The following STRN variants were observed in gnomAD, a reference collection of about 807,000 sequenced individuals.
STRN encodes the protein protein phosphatase 2 regulatory subunit B'''alpha.
Under a neutral mutation model 96.3 loss-of-function variants are expected in STRN, and 53 were observed. The ratio of observed to expected loss-of-function variants is 0.55; its 90% CI spans 0.44 to 0.69. The LOEUF (loss-of-function observed/expected upper bound fraction) is 0.69, where lower values mean the gene tolerates loss of function less well. Ranked by LOEUF, STRN falls within the 30% of genes least tolerant of loss-of-function variation. The probability of loss-of-function intolerance (pLI) is 0.00; values close to 1 mark genes in which losing one functional copy is unlikely to be tolerated. For synonymous variants in STRN, 428 were observed against 355.9 expected, an observed-to-expected ratio of 1.20 and a Z score of -2.28; for missense variants, 987 against 963.9, an observed-to-expected ratio of 1.02 and a Z score of -0.32.
chr2:36,846,386 T>TA lies in STRN; in HGVS notation c.*3069_*3070insT, dbSNP rs1491501554. 13 of 62,744 alleles carry TA rather than the reference T, an allele frequency of 2.1e-4. No individual in the cohort carries two copies. Among genetic ancestry groups the TA allele is most frequent in the East Asian group, 2.0e-3 (5 of 2,462 alleles). The allele number at this position is 62,744 out of a possible 1,614,324, so 3.9% of individuals were successfully genotyped here. ...ACAAAACAGTAAAATGCACCTATGG[T>TA]TTATATATATATATATATATATATA... On this transcript the variant is annotated 3_prime_UTR_variant, in exon 18 of 18. Transcript: ENST00000263918.
At chr2:36,935,173 C>G (rs1460049590) in intron 1 of STRN, among the ~76,000 whole-genome samples, 1 of 152,174 alleles carries the variant, frequency 6.6e-6, no homozygotes, top group African/African-American at 2.4e-5. Context: ...CAGCTCCATG[C>G]CTTGGCTTAT....
At position 36,877,880 on chromosome 2, in the gene STRN, C is replaced by CGTA. The variant is rs752572251; in HGVS notation, c.1323+10_1323+11insTAC. 3 of 1,612,416 alleles carry CGTA rather than the reference C, an allele frequency of 1.9e-6. No homozygotes were observed. In the South Asian group the frequency reaches 3.3e-5, roughly 18 times the overall value. ...CCAAGTAAACACAACAAAAACAAAA[C>CGTA]TACTACTTACATCATAAGTTAGTGA... On this transcript the variant is annotated intron_variant, in intron 10 of 17. Transcript: ENST00000263918.
At chr2:36,872,954 C>G (rs948555323) in intron 10 of STRN, among the ~76,000 whole-genome samples, 1 of 152,214 alleles carries the variant, frequency 6.6e-6, no homozygotes, top group Non-Finnish European at 1.5e-5. Context: ...TGTTTTCCCC[C>G]AGATGCTGTT....
chr2:36,861,728 T>C (rs2540934), intron 12 of STRN, among the ~76,000 whole-genome samples: 142,119 of 151,654 alleles, frequency 0.94, 67,266 homozygotes, highest in East Asian at 1. Flanking sequence ...TATCATTGCG[T>C]GAGCACACAC....
At chr2:36,947,933 A>G (rs1266943034) in intron 1 of STRN, among the ~76,000 whole-genome samples, 1 of 151,966 alleles carries the variant, frequency 6.6e-6, no homozygotes, top group Non-Finnish European at 1.5e-5. Context: ...AAGGGTATGC[A>G]GTTAAAGTAA....
intron 1 of STRN, among the ~76,000 whole-genome samples, chr2:36,940,414 G>A (rs1670815599): frequency 6.6e-6 from 1 of 152,124 alleles, no homozygotes; most frequent in African/African-American, 2.4e-5. Flanking sequence ...AGTCTAATTA[G>A]TAATAAAAAA....
intron 12 of STRN, among the ~76,000 whole-genome samples, chr2:36,862,202 A>G (rs1050621676): frequency 6.6e-6 from 1 of 152,190 alleles, no homozygotes; most frequent in Non-Finnish European, 1.5e-5. Flanking sequence ...TGTCTTTGCT[A>G]CTATGTGCTA....
chr2:36,906,737 C>G (rs553999861), intron 3 of STRN, among the ~76,000 whole-genome samples: 6 of 151,658 alleles, frequency 4.0e-5, no homozygotes, highest in Admixed American at 6.6e-5. Flanking sequence ...ACCAGCCTGA[C>G]CAACATGGCA....
Position 36,879,772 on chromosome 2 carries a change from G to A in STRN, c.1187-1745C>T, listed in dbSNP as rs1669019281. ...AAACAAGTCAACTGTATTGACTAGT[G>A]CACGTACAAGACATTTTTCAGTTTT... On this transcript the variant is annotated intron_variant, in intron 9 of 17. Coordinates refer to ENST00000263918, the MANE Select transcript of STRN (RefSeq NM_003162.4). Among the ~76,000 whole-genome samples, 6 of 152,244 alleles carry A rather than the reference G, an allele frequency of 3.9e-5. No individual in the cohort carries two copies. In the South Asian group the frequency reaches 1.2e-3, roughly 32 times the overall value.
chr2:36,921,034 C>T (rs1670240489), intron 2 of STRN, among the ~76,000 whole-genome samples: 1 of 151,788 alleles, frequency 6.6e-6, no homozygotes, highest in Non-Finnish European at 1.5e-5. Context: ...GATATCACAC[C>T]ACTGCACTCC....
intron 13 of STRN, among the ~76,000 whole-genome samples, chr2:36,859,362 A>G (rs557124541): frequency 6.6e-6 from 1 of 152,344 alleles, no homozygotes; most frequent in South Asian, 2.1e-4. Context: ...AGTAAACTCA[A>G]GAAATATTTA....
intron 9 of STRN, among the ~76,000 whole-genome samples, chr2:36,882,850 C>T (rs1415665491): frequency 6.6e-6 from 1 of 152,120 alleles, no homozygotes; most frequent in African/African-American, 2.4e-5. Flanking sequence ...AACCACCAGG[C>T]TCAGCCTAAA....
intron 1 of STRN, among the ~76,000 whole-genome samples, chr2:36,938,092 G>C (rs1670752022): frequency 6.6e-6 from 1 of 152,132 alleles, no homozygotes; most frequent in Non-Finnish European, 1.5e-5. Context: ...AAAGGAAAAA[G>C]TGTTATCATG....
At chr2:36,858,979 C>T (rs540093015) in intron 13 of STRN, among the ~76,000 whole-genome samples, 1 of 152,010 alleles carries the variant, frequency 6.6e-6, no homozygotes, top group African/African-American at 2.4e-5. Flanking sequence ...AGGGGGAGAA[C>T]ATGATTGACA....
chr2:36,910,174 A>AG (rs1305655388), intron 3 of STRN, among the ~76,000 whole-genome samples: 1 of 36,748 alleles, frequency 2.7e-5, no homozygotes, highest in Non-Finnish European at 5.4e-5. Flanking sequence ...ACTTTGTCTC[A>AG]AAAAAAAAAA....
chr2:36,899,993 A>G (rs1237047716), intron 5 of STRN, among the ~76,000 whole-genome samples: 1 of 152,080 alleles, frequency 6.6e-6, no homozygotes, highest in African/African-American at 2.4e-5. Flanking sequence ...GGTTCATGCA[A>G]TTCTCCAGTT....
intron 3 of STRN, among the ~76,000 whole-genome samples, chr2:36,910,276 T>C (rs1329320915): frequency 1.3e-5 from 2 of 149,598 alleles, no homozygotes. Flanking sequence ...ACTTTAAGGT[T>C]GAAGGAAAAT....
At chr2:36,950,525 G>A (rs1664730056) in intron 1 of STRN, among the ~76,000 whole-genome samples, 1 of 152,144 alleles carries the variant, frequency 6.6e-6, no homozygotes, top group African/African-American at 2.4e-5. Context: ...AACTAAAATG[G>A]CATGGCAAAG....
chr2:36,925,628 T>A (rs986390103), intron 1 of STRN, among the ~76,000 whole-genome samples: 1 of 151,852 alleles, frequency 6.6e-6, no homozygotes, highest in Admixed American at 6.6e-5. Context: ...AATACAAAAA[T>A]TAGCTGGGCC....
Sources: allele counts gnomAD v4.1 joint callset (sites outside exome capture counted in the v4.1 genomes callset), GRCh38; gene constraint gnomAD v4.1.1; transcripts MANE v1.5; gene names NCBI Gene and HGNC (gene_info 2026-07-23, HGNC 2026-07-21).